Variants in MRTFA observed in about 807,000 individuals in gnomAD.
MRTFA encodes myocardin-related transcription factor A.
A neutral mutation model predicts 83.5 loss-of-function variants in MRTFA; 20 were observed. The ratio of observed to expected loss-of-function variants is 0.24; its 90% CI spans 0.17 to 0.35. The LOEUF is 0.35. Ranked by LOEUF, MRTFA falls within the 10% of genes least tolerant of loss-of-function variation. MRTFA has a pLI of 1.00. For missense variants in MRTFA, 1,200 were observed against 1,224.7 expected (o/e 0.98, Z 0.30); for synonymous variants, 659 against 541.2 (o/e 1.22, Z -3.02).
At position 40,423,609 on chromosome 22, in the gene MRTFA, G is replaced by A. The variant is rs545698340; in HGVS notation, c.854C>T (p.Pro285Leu). The change falls in exon 9 of 15, where the codon CCA becomes CTA. Residue 285 changes from proline (P) to leucine (L), a missense_variant. Coordinates refer to ENST00000355630, the MANE Select transcript of MRTFA (RefSeq NM_020831.6). ...GGTGAGGCTGGGAGGCAGCAGAGGTGGGGGAGGCAGAGGAGGCTGCTCTGC... is the reference window on the plus strand; with the variant it reads ...GGTGAGGCTGGGAGGCAGCAGAGGTAGGGGAGGCAGAGGAGGCTGCTCTGC... 47 of 1,599,584 alleles carry A rather than the reference G, an allele frequency of 2.9e-5. No individual in the cohort carries two copies. Among genetic ancestry groups the A allele is most frequent in the South Asian group, 5.6e-5 (5 of 88,904 alleles).
At position 40,411,297 on chromosome 22, in the gene MRTFA, C is replaced by CAACCA; in HGVS notation, c.*88_*92dup. 1 of 1,354,684 alleles carries CAACCA rather than the reference C, an allele frequency of 7.4e-7. No homozygotes were observed. Among genetic ancestry groups the CAACCA allele is most frequent in the Non-Finnish European group, 1.0e-6 (1 of 1,000,742 alleles). 83.9% of individuals were successfully genotyped at this position (1,354,684 alleles called of 1,614,324 possible). A position where few individuals can be genotyped will look rare whatever the true frequency, so the allele number is the denominator to read the frequency against. The stretch of plus-strand genomic sequence containing the variant: ...CAGGGGCTGTGATTGTCAAGACTCA[C>CAACCA]AACCATGTGGAGAGGCCGAATCACG... On this transcript the variant is annotated 3_prime_UTR_variant, in exon 15 of 15. Coordinates refer to ENST00000355630, the MANE Select transcript of MRTFA (RefSeq NM_020831.6).
intron 3 of MRTFA, among the ~76,000 whole-genome samples, chr22:40,498,252 C>CATATATATATATATATATATAT (rs200779719): frequency 6.4e-5 from 5 of 77,540 alleles, no homozygotes; most frequent in African/African-American, 2.9e-4. Context: ...GTACACACTT[C>CATATATATATATATATATATAT]ATATATATAT....
chr22:40,599,669 C>A (rs150062288), intron 1 of MRTFA, among the ~76,000 whole-genome samples: 11 of 152,034 alleles, frequency 7.2e-5, no homozygotes, highest in Admixed American at 5.9e-4. Flanking sequence ...GAGGCAGAAG[C>A]GAGCGGACTG....
At chr22:40,520,102 CCTTCCA>C (rs1247772643) in intron 3 of MRTFA, among the ~76,000 whole-genome samples, 1 of 152,152 alleles carries the variant, frequency 6.6e-6, no homozygotes, top group East Asian at 1.9e-4. Context: ...TTCAATTTCT[CCTTCCA>C]CTTCCAGCCC....
At chr22:40,538,521 C>T (rs1453143975) in intron 3 of MRTFA, among the ~76,000 whole-genome samples, 1 of 149,866 alleles carries the variant, frequency 6.7e-6, no homozygotes, top group Middle Eastern at 3.2e-3. Context: ...GTCCCATGAC[C>T]CTGCCAAATC....
chr22:40,434,224 A>G (rs889569926), intron 5 of MRTFA, among the ~76,000 whole-genome samples: 1 of 152,182 alleles, frequency 6.6e-6, no homozygotes, highest in Admixed American at 6.5e-5. Context: ...AGGCAACGCC[A>G]TCCTTTCCCC....
chr22:40,470,276 T>TATATATAA (rs1164339704), intron 3 of MRTFA, among the ~76,000 whole-genome samples: 1 of 99,294 alleles, frequency 1.0e-5, no homozygotes, highest in Non-Finnish European at 2.1e-5. Context: ...TATATATATA[T>TATATATAA]ATATAAAGAA....
chr22:40,457,488 A>AAGAC (rs55710929), intron 4 of MRTFA, among the ~76,000 whole-genome samples: 1 of 126,596 alleles, frequency 7.9e-6, no homozygotes, highest in African/African-American at 2.7e-5. Context: ...GAAAGAAAGA[A>AAGAC]GGAAAGAAAG....
At chr22:40,500,922 C>T (rs1192994554) in intron 3 of MRTFA, among the ~76,000 whole-genome samples, 43 of 147,192 alleles carry the variant, frequency 2.9e-4, no homozygotes, top group East Asian at 1.9e-3. Context: ...ACCTCCCAGA[C>T]GGGGTGGTGG....
chr22:40,580,609 G>A (rs1473121138), intron 2 of MRTFA, among the ~76,000 whole-genome samples: 1 of 152,176 alleles, frequency 6.6e-6, no homozygotes, highest in African/African-American at 2.4e-5. Context: ...CAGATTTTAA[G>A]AAAGAGAATA....
chr22:40,518,292 G>C (rs1256131932), intron 3 of MRTFA, among the ~76,000 whole-genome samples: 3 of 152,144 alleles, frequency 2.0e-5, no homozygotes, highest in East Asian at 1.9e-4. Context: ...CTGAAGTTCA[G>C]GGAAATCTTG....
chr22:40,419,208 G>A lies in MRTFA; in HGVS notation c.1530C>T (p.Phe510=), dbSNP rs765236332. 9.4e-6 allele frequency: 15 copies of A among 1,599,222 alleles called. No homozygotes were observed. In the South Asian group the frequency reaches 1.2e-4, roughly 13 times the overall value. ...GCCCCGTGCTCAGCCGGGCCGCTGG[G>A]AAGGCTACCACCACCTCGCCAGCCT... Residue 510 remains phenylalanine (F), a synonymous_variant, in exon 12 of 15, where the codon TTC becomes TTT. Coordinates refer to ENST00000355630, the MANE Select transcript of MRTFA (RefSeq NM_020831.6).
intron 5 of MRTFA, among the ~76,000 whole-genome samples, chr22:40,433,819 T>G (rs911219418): frequency 2.0e-5 from 3 of 152,250 alleles, no homozygotes; most frequent in African/African-American, 4.8e-5. Context: ...TAAGATAATT[T>G]TTAGTACATG....
At chr22:40,525,493 C>A (rs1043799357) in intron 3 of MRTFA, among the ~76,000 whole-genome samples, 1 of 151,972 alleles carries the variant, frequency 6.6e-6, no homozygotes, top group African/African-American at 2.4e-5. Flanking sequence ...CAGAGCAAGA[C>A]CCTGTCTCAC....
intron 7 of MRTFA, 198 bp downstream of exon 7, chr22:40,429,408 A>G (rs1031712347): frequency 2.8e-6 from 2 of 710,156 alleles, no homozygotes; most frequent in African/African-American, 3.5e-5. Flanking sequence ...CCTGTTTCTT[A>G]AAGCAACAGG....
At chr22:40,421,250 C>A (rs2052832952) in intron 9 of MRTFA, 150 bp from the exon 10 acceptor site, 2 of 887,386 alleles carry the variant, frequency 2.3e-6, no homozygotes, top group Admixed American at 6.7e-5. Flanking sequence ...GGACCGTACA[C>A]CCCGTGAAAA....
chr22:40,580,589 A>T (rs943662464), intron 2 of MRTFA, among the ~76,000 whole-genome samples: 1 of 152,240 alleles, frequency 6.6e-6, no homozygotes, highest in African/African-American at 2.4e-5. Flanking sequence ...ACATACTGCC[A>T]TATTTGCGTC....
chr22:40,438,457 A>T (rs1047131587), intron 4 of MRTFA, among the ~76,000 whole-genome samples: 2 of 152,204 alleles, frequency 1.3e-5, no homozygotes, highest in Non-Finnish European at 2.9e-5. Flanking sequence ...ACAAACCCAA[A>T]GGCACAAACC....
At chr22:40,432,158 A>G (rs1217760638) in intron 5 of MRTFA, among the ~76,000 whole-genome samples, 1 of 152,170 alleles carries the variant, frequency 6.6e-6, no homozygotes, top group Non-Finnish European at 1.5e-5. Context: ...AAGCAGGAGA[A>G]TCACTTGAAC....
Sources: gnomAD v4.1 joint callset for allele counts (sites outside exome capture counted in the v4.1 genomes callset) on GRCh38, gnomAD v4.1.1 for gene constraint, MANE v1.5 for transcripts, NCBI Gene and HGNC (gene_info 2026-07-23, HGNC 2026-07-21) for gene names.